COMMD10: variants seen among roughly 807,000 people sequenced by gnomAD.
The protein encoded by COMMD10 is COMM domain-containing protein 10.
A neutral mutation model predicts 28.9 loss-of-function variants in COMMD10; 33 were observed. That is an observed-to-expected ratio of 1.14 (90% CI 0.87 to 1.53). The LOEUF (loss-of-function observed/expected upper bound fraction) is 1.53, where lower values mean the gene tolerates loss of function less well. Among genes scored for constraint, COMMD10 ranks in the 40% most tolerant of loss-of-function variants. COMMD10 has a pLI of 0.00. For synonymous variants in COMMD10, 110 were observed against 81.7 expected, an observed-to-expected ratio of 1.35 and a Z score of -1.87; for missense variants, 310 against 233.4, an observed-to-expected ratio of 1.33 and a Z score of -2.14.
At position 116,108,886 on chromosome 5, in the gene COMMD10, C is replaced by G. The variant is rs147625162; in HGVS notation, c.399+16186C>G. Among the ~76,000 whole-genome samples the G allele has an allele frequency of 1.9e-3, 289 of 152,276 alleles. 2 individuals carry two copies. The highest frequency in any genetic ancestry group is 6.6e-3 in the African/African-American group (273 of 41,556). On this transcript the variant is annotated intron_variant, in intron 4 of 6. Coordinates refer to ENST00000274458, the MANE Select transcript of COMMD10 (RefSeq NM_016144.4). Reference sequence around the variant, plus strand: ...GAAGACCGTGGGAAAAGCACAGTTTCTGGGCCGGAGTGCACCGTTCCTCTC... The same window carrying G: ...GAAGACCGTGGGAAAAGCACAGTTTGTGGGCCGGAGTGCACCGTTCCTCTC...
chr5:116,161,092 G>C (rs1287838592), intron 5 of COMMD10, among the ~76,000 whole-genome samples: 4 of 152,026 alleles, frequency 2.6e-5, no homozygotes, highest in African/African-American at 9.7e-5. Context: ...CGGTTGGTTG[G>C]TTTGTTTTTG....
chr5:116,210,218 A>C (rs1313730858), intron 5 of COMMD10, among the ~76,000 whole-genome samples: 1 of 152,186 alleles, frequency 6.6e-6, no homozygotes, highest in Non-Finnish European at 1.5e-5. Context: ...ATACATTTGC[A>C]ATGGCAATTA....
At chr5:116,261,847 G>A (rs1342792033) in intron 5 of COMMD10, among the ~76,000 whole-genome samples, 1 of 151,554 alleles carries the variant, frequency 6.6e-6, no homozygotes, top group Non-Finnish European at 1.5e-5. Flanking sequence ...GGTTCCACTG[G>A]CCAGCCATTC....
chr5:116,244,660 C>CAA (rs60360733), intron 5 of COMMD10, among the ~76,000 whole-genome samples: 27 of 79,474 alleles, frequency 3.4e-4, no homozygotes, highest in South Asian at 5.2e-4. Context: ...AAAAAAATTA[C>CAA]AAAAAAAAAA....
chr5:116,087,510 G>T lies in COMMD10; in HGVS notation c.55G>T (p.Val19Leu). Reference protein sequence around the residue: ...LRESPSMKKAVSLINAIDTGR... With the variant: ...LRESPSMKKALSLINAIDTGR... ...AATTTTGTTTAGCATGAAGAAAGCA[G>T]TGTCACTGATAAATGCAATAGATAC... The change falls in exon 2 of 7, where the codon GTG (valine) becomes TTG (leucine). Residue 19 changes from valine (V) to leucine (L), a missense_variant. Transcript: ENST00000274458. 1.2e-6 allele frequency: 2 copies of T among 1,608,220 alleles called. No individual in the cohort carries two copies. Among genetic ancestry groups the T allele is most frequent in the South Asian group, 1.1e-5 (1 of 90,948 alleles).
rs1169825980 is a variant in COMMD10 at position 116,258,981 on chromosome 5, T to G, written c.511-32536T>G. On this transcript the variant is annotated intron_variant, in intron 5 of 6. Transcript: ENST00000274458. ...TCCTCCTTTTCTCTTACTTTATATT[T>G]CCTCATTTTGCAGGGGATTCTGAAT... Among the ~76,000 whole-genome samples the G allele has an allele frequency of 4.0e-5, 6 of 151,702 alleles. 1 individual carries two copies. Among genetic ancestry groups the G allele is most frequent in the African/African-American group, 1.5e-4 (6 of 41,138 alleles).
chr5:116,251,328 C>T (rs987975389), intron 5 of COMMD10, among the ~76,000 whole-genome samples: 25 of 147,996 alleles, frequency 1.7e-4, no homozygotes, highest in Non-Finnish European at 3.0e-4. Flanking sequence ...TTTTAGGGTA[C>T]ATGTGCACAT....
At chr5:116,248,487 G>A (rs1750021294) in intron 5 of COMMD10, among the ~76,000 whole-genome samples, 1 of 152,000 alleles carries the variant, frequency 6.6e-6, no homozygotes, top group South Asian at 2.1e-4. Flanking sequence ...AGCCCTTAGT[G>A]CTGATCTATG....
chr5:116,242,486 C>G (rs1009615749), intron 5 of COMMD10, among the ~76,000 whole-genome samples: 1 of 152,034 alleles, frequency 6.6e-6, no homozygotes, highest in Non-Finnish European at 1.5e-5. Flanking sequence ...TTATTATTAT[C>G]ATCATCTTAC....
chr5:116,235,148 T>A (rs1323239377), intron 5 of COMMD10, among the ~76,000 whole-genome samples: 2 of 152,194 alleles, frequency 1.3e-5, no homozygotes, highest in South Asian at 4.1e-4. Context: ...ACACCTACTT[T>A]AACAAACTGA....
intron 5 of COMMD10, among the ~76,000 whole-genome samples, chr5:116,198,140 G>C (rs184522585): frequency 1.4e-3 from 213 of 152,160 alleles, no homozygotes; most frequent in Middle Eastern, 3.4e-3. Context: ...GTACTCTTAA[G>C]CAGAAAGACC....
At chr5:116,249,853 A>T (rs1295891555) in intron 5 of COMMD10, among the ~76,000 whole-genome samples, 1 of 151,904 alleles carries the variant, frequency 6.6e-6, no homozygotes, top group African/African-American at 2.4e-5. Flanking sequence ...GATTTTATGA[A>T]ATGAATCAAC....
intron 5 of COMMD10, among the ~76,000 whole-genome samples, chr5:116,160,590 A>T (rs1228113252): frequency 6.6e-6 from 1 of 151,714 alleles, no homozygotes; most frequent in African/African-American, 2.4e-5. Context: ...ATTTTATTTG[A>T]AGAAAAAGCC....
chr5:116,161,574 T>C (rs1454631802), intron 5 of COMMD10, among the ~76,000 whole-genome samples: 1 of 152,070 alleles, frequency 6.6e-6, no homozygotes, highest in Non-Finnish European at 1.5e-5. Context: ...AACACATATT[T>C]TATATATTAT....
intron 5 of COMMD10, among the ~76,000 whole-genome samples, chr5:116,261,810 C>CT (rs1750453900): frequency 6.6e-6 from 1 of 151,754 alleles, no homozygotes; most frequent in African/African-American, 2.4e-5. Flanking sequence ...TCTCTGTTCT[C>CT]TGTCTCTGGA....
chr5:116,282,617 A>G (rs1751102200), intron 5 of COMMD10, among the ~76,000 whole-genome samples: 1 of 151,920 alleles, frequency 6.6e-6, no homozygotes, highest in African/African-American at 2.4e-5. Context: ...AAATTATTTT[A>G]TCACAATTCT....
chr5:116,189,459 T>C (rs1748272623), intron 5 of COMMD10, among the ~76,000 whole-genome samples: 1 of 152,144 alleles, frequency 6.6e-6, no homozygotes, highest in Non-Finnish European at 1.5e-5. Flanking sequence ...AGTTCTGGCT[T>C]CCTAACCTTC....
intron 5 of COMMD10, among the ~76,000 whole-genome samples, chr5:116,145,323 TTTC>T (rs1409593877): frequency 6.6e-6 from 1 of 151,742 alleles, no homozygotes; most frequent in East Asian, 1.9e-4. Flanking sequence ...GTTGTGTAGT[TTTC>T]TTCATCTATT....
chr5:116,231,677 T>C (rs920007458), intron 5 of COMMD10, among the ~76,000 whole-genome samples: 1 of 152,156 alleles, frequency 6.6e-6, no homozygotes, highest in Non-Finnish European at 1.5e-5. Context: ...AAAACTATTT[T>C]AGTATGATAG....
Sources: allele counts gnomAD v4.1 joint callset (sites outside exome capture counted in the v4.1 genomes callset), GRCh38; gene constraint gnomAD v4.1.1; transcripts MANE v1.5; gene names NCBI Gene and HGNC (gene_info 2026-07-23, HGNC 2026-07-21).